C19orf38: variants seen among roughly 807,000 people sequenced by gnomAD.
C19orf38 encodes the protein chromosome 19 open reading frame 38, also known as protein HIDE1.
Under a neutral mutation model 26.6 loss-of-function variants are expected in C19orf38, and 14 were observed. The observed-to-expected ratio is 0.53, with a 90% CI of 0.35 to 0.82. The LOEUF (loss-of-function observed/expected upper bound fraction) is 0.82. Ranked by LOEUF, C19orf38 falls within the 40% of genes least tolerant of loss-of-function variation. The probability of loss-of-function intolerance (pLI) is 0.01; values close to 1 mark genes in which losing one functional copy is unlikely to be tolerated. For synonymous variants in C19orf38, 132 were observed against 128.5 expected (o/e 1.03, Z -0.18); for missense variants, 261 against 299.5 (o/e 0.87, Z 0.95).
intron 1 of C19orf38, among the ~76,000 whole-genome samples, chr19:10,848,981 G>T (rs747310518): frequency 3.9e-5 from 6 of 151,964 alleles, no homozygotes; most frequent in Non-Finnish European, 7.4e-5. Flanking sequence ...AATCAGGAGA[G>T]AGATGGATCC....
At chr19:10,868,084 A>G (rs1046859998) in intron 6 of C19orf38, among the ~76,000 whole-genome samples, 1 of 151,968 alleles carries the variant, frequency 6.6e-6, no homozygotes, top group African/African-American at 2.4e-5. Context: ...TGCCATGACC[A>G]TGGGTATGCA....
chr19:10,852,273 A>G (rs1055010417), intron 2 of C19orf38, among the ~76,000 whole-genome samples: 18 of 152,276 alleles, frequency 1.2e-4, no homozygotes, highest in Non-Finnish European at 2.5e-4. Flanking sequence ...CATGAGCCAC[A>G]TAAGGTTTCT....
intron 5 of C19orf38, among the ~76,000 whole-genome samples, chr19:10,862,595 C>T (rs1167176464): frequency 6.6e-6 from 1 of 151,900 alleles, no homozygotes; most frequent in African/African-American, 2.4e-5. Flanking sequence ...TTTGGGAGGC[C>T]GAGGCAGGCA....
chr19:10,842,513 G>A (rs1477291999), intron 1 of C19orf38, among the ~76,000 whole-genome samples: 3 of 152,164 alleles, frequency 2.0e-5, no homozygotes, highest in South Asian at 4.1e-4. Context: ...GTCGGCCTTG[G>A]CCTCCCAAAG....
chr19:10,855,598 A>G (rs567815607), intron 2 of C19orf38, among the ~76,000 whole-genome samples: 142 of 151,870 alleles, frequency 9.4e-4, no homozygotes, highest in Non-Finnish European at 1.6e-3. Context: ...GCGCCATCTC[A>G]GCTCACTGCA....
At position 10,857,364 on chromosome 19, in the gene C19orf38, A is replaced by ATTTTT. The variant is rs1484640109; in HGVS notation, c.434-951_434-950insTTTTT. ...CATATATATATATATATATATATAT[A>ATTTTT]TATTTTTTTTTTTTTTTTTTTAAGA... On this transcript the variant is annotated intron_variant, in intron 3 of 6. Transcript: ENST00000397820. Among the ~76,000 whole-genome samples, 515 of 78,104 alleles carry ATTTTT rather than the reference A, an allele frequency of 6.6e-3. 1 individual carries two copies. Among genetic ancestry groups the ATTTTT allele is most frequent in the Non-Finnish European group, 8.3e-3 (400 of 48,164 alleles). The allele number at this position is 78,104 out of a possible 152,430, so 51.2% of individuals were successfully genotyped here.
chr19:10,857,360 A>ATTTTT (rs1256020212), intron 3 of C19orf38, among the ~76,000 whole-genome samples: 12 of 82,082 alleles, frequency 1.5e-4, no homozygotes, highest in African/African-American at 1.2e-3. Flanking sequence ...ATATATATAT[A>ATTTTT]TATATATTTT....
intron 5 of C19orf38, among the ~76,000 whole-genome samples, chr19:10,862,659 A>G (rs964675448): frequency 5.9e-5 from 9 of 152,110 alleles, no homozygotes; most frequent in Middle Eastern, 6.8e-3. Flanking sequence ...GTGAATCCCT[A>G]TCTCTACTAA....
chr19:10,850,348 C>G lies in C19orf38; in HGVS notation c.121C>G (p.Pro41Ala), dbSNP rs73009507. ...EDPIHIACMA[P>A]GNFPGANFTL... Reference sequence around the variant, plus strand: ...CCCCATCCACATCGCATGCATGGCCCCTGGGAACTTCCCGGGGGCGAATTT... The same window carrying G: ...CCCCATCCACATCGCATGCATGGCCGCTGGGAACTTCCCGGGGGCGAATTT... Residue 41 changes from proline (P) to alanine (A), a missense_variant, in exon 2 of 7, where the codon CCT becomes GCT. Physicochemically the swap from Pro to Ala is conservative, Grantham distance 27. Transcript: ENST00000397820. The G allele has an allele frequency of 0.067, 103,169 of 1,551,202 alleles. 4,016 individuals carry two copies. Among genetic ancestry groups the G allele is most frequent in the Admixed American group, 0.15 (7,634 of 50,890 alleles).
rs564327892 is a variant in C19orf38 at position 10,861,804 on chromosome 19, A to G, written c.506-1366A>G. Among the ~76,000 whole-genome samples the G allele has an allele frequency of 6.2e-4, 94 of 151,534 alleles. 3 individuals are homozygous for G. The South Asian group carries it at 0.012, about 20-fold the overall frequency. ...TGTTGGCCTGGCTGGTCTCGAACTC[A>G]TGACCTCAGGTGATCCACCCACCTC... On this transcript the variant is annotated intron_variant, in intron 5 of 6. Transcript: ENST00000397820.
intron 3 of C19orf38, 112 bp downstream of exon 3, chr19:10,856,469 T>C: frequency 1.4e-6 from 1 of 710,472 alleles, no homozygotes; most frequent in Non-Finnish European, 2.4e-6. Context: ...CAGTAATTTG[T>C]TCATCACACC....
At chr19:10,859,280 ATGTGTGTGTGTATATG>A (rs1568337414) in intron 4 of C19orf38, among the ~76,000 whole-genome samples, 3 of 40,054 alleles carry the variant, frequency 7.5e-5, no homozygotes, top group East Asian at 9.0e-4. Flanking sequence ...GTGTGTGTGT[ATGTGTGTGTGTATATG>A]TGTGTGTGTG....
intron 1 of C19orf38, among the ~76,000 whole-genome samples, chr19:10,841,419 G>T (rs746903369): frequency 7.4e-5 from 11 of 149,440 alleles, no homozygotes; most frequent in Non-Finnish European, 1.3e-4. Flanking sequence ...GGAGTTCAAG[G>T]CTGCAGTGAG....
chr19:10,864,503 T>C (rs1006416666), intron 6 of C19orf38, among the ~76,000 whole-genome samples: 5 of 151,950 alleles, frequency 3.3e-5, no homozygotes, highest in Non-Finnish European at 7.4e-5. Flanking sequence ...ATGAAGAACT[T>C]TGATTTTACT....
chr19:10,849,122 C>A (rs1487750167), intron 1 of C19orf38, among the ~76,000 whole-genome samples: 1 of 151,870 alleles, frequency 6.6e-6, no homozygotes, highest in Non-Finnish European at 1.5e-5. Context: ...CCCTTCCTGC[C>A]ACCCACCTCA....
intron 6 of C19orf38, 24 bp from the exon 7 acceptor site, chr19:10,869,194 G>C: frequency 6.4e-7 from 1 of 1,551,558 alleles, no homozygotes; most frequent in African/African-American, 1.4e-5. Context: ...ACCCACTTCT[G>C]TGTTTCTTCT....
At chr19:10,860,208 G>A (rs1351752206) in intron 5 of C19orf38, 2 of 461,670 alleles carry the variant, frequency 4.3e-6, no homozygotes, top group South Asian at 2.9e-5. Context: ...CAGGACCCCA[G>A]GTCCGACCAT....
chr19:10,845,899 G>A (rs953905359), upstream of C19orf38, among the ~76,000 whole-genome samples: 6 of 150,480 alleles, frequency 4.0e-5, no homozygotes, highest in African/African-American at 1.5e-4. Context: ...AAAAAAGAGG[G>A]TTTAAAGTTA....
intron 1 of C19orf38, among the ~76,000 whole-genome samples, chr19:10,848,814 C>T (rs529997206): frequency 5.3e-5 from 8 of 152,050 alleles, no homozygotes; most frequent in South Asian, 4.1e-4. Context: ...GATTCAGCCC[C>T]GCTTCGTCTC....
Sources: gnomAD v4.1 joint callset for allele counts (sites outside exome capture counted in the v4.1 genomes callset) on GRCh38, gnomAD v4.1.1 for gene constraint, MANE v1.5 for transcripts, NCBI Gene and HGNC (gene_info 2026-07-23, HGNC 2026-07-21) for gene names.